Variants in SPHK1 observed in about 807,000 individuals in gnomAD.
SPHK1 encodes the protein sphingosine kinase 1.
A neutral mutation model predicts 14.6 loss-of-function variants in SPHK1; 10 were observed. That is an observed-to-expected ratio of 0.68 (90% CI 0.42 to 1.16). The LOEUF (loss-of-function observed/expected upper bound fraction) is 1.16, where lower values mean the gene tolerates loss of function less well. SPHK1 is among the 50% of genes most tolerant of loss of function. The probability of loss-of-function intolerance (pLI) is 0.00; values close to 1 mark genes in which losing one functional copy is unlikely to be tolerated. For missense variants in SPHK1, 553 were observed against 525.4 expected, an observed-to-expected ratio of 1.05 and a Z score of -0.51; for synonymous variants, 274 against 224.0, an observed-to-expected ratio of 1.22 and a Z score of -1.99.
chr17:76,385,366 G>T lies in SPHK1; in HGVS notation c.-194-85G>T. ...ACTTCCCGGGAACCTGGCTCCCCGCGCGTGGTCCCGGGATTTAGTCGGGCG... is the reference window on the plus strand; with the variant it reads ...ACTTCCCGGGAACCTGGCTCCCCGCTCGTGGTCCCGGGATTTAGTCGGGCG... On this transcript the variant is annotated intron_variant, in intron 1 of 5. Transcript: ENST00000592299. The surrounding 1 kb of genome is among the most constrained non-coding windows in gnomAD (Gnocchi z 5.3). 2 of 1,448,590 alleles carry T rather than the reference G, an allele frequency of 1.4e-6. No individual in the cohort carries two copies. Among genetic ancestry groups the T allele is most frequent in the Non-Finnish European group, 1.8e-6 (2 of 1,104,014 alleles). The allele number at this position is 1,448,590 out of a possible 1,614,324, so 89.7% of individuals were successfully genotyped here.
Position 76,387,813 on chromosome 17 carries a change from A to C in SPHK1, c.*227A>C, listed in dbSNP as rs1598572247. 15 of 489,706 alleles carry C rather than the reference A, an allele frequency of 3.1e-5. No homozygotes were observed. Among genetic ancestry groups the C allele is most frequent in the Admixed American group, 7.4e-5 (2 of 26,994 alleles). The allele number at this position is 489,706 out of a possible 1,614,324, so 30.3% of individuals were successfully genotyped here. On this transcript the variant is annotated 3_prime_UTR_variant, in exon 6 of 6. Coordinates refer to ENST00000592299, the MANE Select transcript of SPHK1 (RefSeq NM_001142601.2). The surrounding 1 kb of genome is among the most constrained non-coding windows in gnomAD (Gnocchi z 4.1). ...GTAAGGCCTTCTAGTTTGTTCTGAG[A>C]CCCCCACCCCACGAACCAAATCCAA...
At position 76,386,694 on chromosome 17, in the gene SPHK1, C is replaced by G; in HGVS notation, c.375-112C>G. On this transcript the variant is annotated intron_variant, in intron 5 of 5. Transcript: ENST00000592299. The surrounding 1 kb of genome is among the most constrained non-coding windows in gnomAD (Gnocchi z 5.3). ...CTCCATCTGTCACCTACCAGTCCTG[C>G]CAACTCCCCAGGGACCACATGGCGC... 2 of 1,333,318 alleles carry G rather than the reference C, an allele frequency of 1.5e-6. No homozygotes were observed. Among genetic ancestry groups the G allele is most frequent in the Non-Finnish European group, 2.0e-6 (2 of 980,348 alleles). The allele number at this position is 1,333,318 out of a possible 1,614,324, so 82.6% of individuals were successfully genotyped here.
chr17:76,387,601 T>C lies in SPHK1; in HGVS notation c.*15T>C. The C allele has an allele frequency of 1.9e-6, 3 of 1,551,702 alleles. No individual in the cohort carries two copies. Among genetic ancestry groups the C allele is most frequent in the Non-Finnish European group, 2.6e-6 (3 of 1,152,568 alleles). ...AGCCCTTATGACCCCTGGGCCGCGC[T>C]GTGCCTTAGTGTCTACTTGCAGGAC... On this transcript the variant is annotated 3_prime_UTR_variant, in exon 6 of 6. Coordinates refer to ENST00000592299, the MANE Select transcript of SPHK1 (RefSeq NM_001142601.2). This position sits in a 1 kb window ranked among gnomAD's most constrained non-coding sequence, Gnocchi z 4.1.
Position 76,384,616 on chromosome 17 carries a change from TCCCCGCTCCGCGGCGCCGG to T in SPHK1, c.-383_-365del, listed in dbSNP as rs1403024636. Reference sequence around the variant, plus strand: ...AGGCCGGCGCCGAGGCTCAGTGCCCTCCCCGCTCCGCGGCGCCGGCTGCGAAGTTGAGCGAAAAGTTTGA... The same window carrying T: ...AGGCCGGCGCCGAGGCTCAGTGCCCTCTGCGAAGTTGAGCGAAAAGTTTGA... On this transcript the variant is annotated 5_prime_UTR_variant, in exon 1 of 6. Transcript: ENST00000592299. 1.3e-5 allele frequency: 2 copies of T among 152,038 alleles called. No individual in the cohort carries two copies. The highest frequency in any genetic ancestry group is 2.4e-5 in the African/African-American group (1 of 41,386). The allele number at this position is 152,038 out of a possible 1,614,324, so 9.4% of individuals were successfully genotyped here.
At chr17:76,383,776 G>A, upstream of SPHK1, 5 of 1,209,558 alleles carry the variant, frequency 4.1e-6, no homozygotes, top group South Asian at 6.3e-5. Flanking sequence ...CTCCAAAGAA[G>A]TGACAACTTC....
upstream of SPHK1, chr17:76,383,551 C>T (rs1426117811): frequency 1.7e-4 from 46 of 265,132 alleles, no homozygotes; most frequent in Middle Eastern, 1.5e-3. Context: ...CGGGTGGGGC[C>T]GGCGGGGGCG....
At chr17:76,384,483 G>C (rs2071923615), upstream of SPHK1, 1 of 149,944 alleles carries the variant, frequency 6.7e-6, no homozygotes, top group Non-Finnish European at 1.5e-5. Flanking sequence ...CTCGTGGCCC[G>C]GCCGTGGGCG....
rs111636968 is a variant in SPHK1, at chr17:76,387,274, A to G, written c.843A>G (p.Ala281=). Residue 281 remains alanine (A), a synonymous_variant, in exon 6 of 6, where the codon GCA becomes GCG. Coordinates refer to ENST00000592299, the MANE Select transcript of SPHK1 (RefSeq NM_001142601.2). The surrounding 1 kb of genome is among the most constrained non-coding windows in gnomAD (Gnocchi z 4.1). ...EMFAAPMGRC[A]AGVMHLFYVR... is the part of the protein sequence containing the mutation. Reference sequence around the variant, plus strand: ...TTGCTGCACCCATGGGCCGCTGTGCAGCTGGCGTCATGCATCTGTTCTACG... The same window carrying G: ...TTGCTGCACCCATGGGCCGCTGTGCGGCTGGCGTCATGCATCTGTTCTACG... 373 of 1,613,456 alleles carry G rather than the reference A, an allele frequency of 2.3e-4. No homozygotes were observed. The African/African-American group carries it at 4.0e-3, about 17-fold the overall frequency.
upstream of SPHK1, chr17:76,383,479 C>G (rs1022946648): frequency 5.3e-6 from 1 of 188,650 alleles, no homozygotes; most frequent in African/African-American, 2.4e-5. Context: ...TAATTGGCTG[C>G]GTGCTCCTCC....
At position 76,385,270 on chromosome 17, in the gene SPHK1, C is replaced by T; in HGVS notation, c.-194-181C>T. 3 of 1,506,794 alleles carry T rather than the reference C, an allele frequency of 2.0e-6. No homozygotes were observed. In the South Asian group the frequency reaches 3.8e-5, roughly 19 times the overall value. 93.3% of individuals were successfully genotyped at this position (1,506,794 alleles called of 1,614,324 possible). ...AGGGAGAAAGCCCCGGAGCAGGCGC[C>T]CTTCTCAGGGATTGTAGGCTTAGTC... On this transcript the variant is annotated intron_variant, in intron 1 of 5. Coordinates refer to ENST00000592299, the MANE Select transcript of SPHK1 (RefSeq NM_001142601.2). The surrounding 1 kb of genome is among the most constrained non-coding windows in gnomAD (Gnocchi z 5.3).
upstream of SPHK1, chr17:76,383,662 G>A (rs1010385457): frequency 9.1e-5 from 34 of 372,506 alleles, 1 homozygote; most frequent in South Asian, 4.8e-4. Flanking sequence ...CTCCGTCTCC[G>A]CCGTAACCCC....
rs2072006524 is a variant in SPHK1, at chr17:76,387,210, T to A, written c.779T>A (p.Val260Asp). The A allele has an allele frequency of 6.2e-7, 1 of 1,613,106 alleles. No homozygotes were observed. The highest frequency in any genetic ancestry group is 1.3e-5 in the African/African-American group (1 of 75,012). ...GTGCCCGACGAGGACTTTGTGCTAG[T>A]CCTGGCACTGCTGCACTCGCACCTG... ...TVVPDEDFVL[V>D]LALLHSHLGS... The change falls in exon 6 of 6, where the codon GTC becomes GAC. Residue 260 changes from valine to aspartate, a missense_variant. Physicochemically the swap from Val to Asp is radical, Grantham distance 152. Coordinates refer to ENST00000592299, the MANE Select transcript of SPHK1 (RefSeq NM_001142601.2). This position sits in a 1 kb window ranked among gnomAD's most constrained non-coding sequence, Gnocchi z 4.1.
Position 76,385,986 on chromosome 17 carries a change from G to C in SPHK1, c.12G>C (p.Ala4=), listed in dbSNP as rs200800534. Residue 4 remains alanine, a splice_region_variant and synonymous_variant, in exon 3 of 6, where the codon GCG becomes GCC. Transcript: ENST00000592299. The surrounding 1 kb of genome is among the most constrained non-coding windows in gnomAD (Gnocchi z 5.3). MDP[A]GGPRGVLPRP... is the part of the protein sequence containing the mutation. The stretch of plus-strand genomic sequence containing the variant: ...GCCTCTTTGGTTTTGTTTTCTCAGC[G>C]GGCGGCCCCCGGGGCGTGCTCCCGC... The C allele has an allele frequency of 7.6e-4, 1,206 of 1,595,164 alleles. 5 individuals are homozygous for C. In the African/African-American group the frequency reaches 0.015, roughly 19 times the overall value.
rs1282118464 is a variant in SPHK1, at chr17:76,385,563, G to A, written c.-82G>A. On this transcript the variant is annotated 5_prime_UTR_variant, in exon 2 of 6. Coordinates refer to ENST00000592299, the MANE Select transcript of SPHK1 (RefSeq NM_001142601.2). The surrounding 1 kb of genome is among the most constrained non-coding windows in gnomAD (Gnocchi z 5.3). ...CCCGCCTGGGCAGCACCGATAAGGA[G>A]CTGAAGGCAGGAGCCGCCGCCACGG... 25 of 1,539,910 alleles carry A rather than the reference G, an allele frequency of 1.6e-5. No homozygotes were observed. The highest frequency in any genetic ancestry group is 2.1e-5 in the Non-Finnish European group (24 of 1,149,428).
In SPHK1 at chr17:76,387,168, C is replaced by T. The variant is rs982111479; in HGVS notation, c.737C>T (p.Pro246Leu). The T allele has an allele frequency of 3.1e-6, 5 of 1,613,156 alleles. No individual in the cohort carries two copies. In the African/African-American group the frequency reaches 4.0e-5, roughly 13 times the overall value. The change falls in exon 6 of 6, where the codon CCC becomes CTC. Residue 246 changes from proline to leucine, a missense_variant. Pro to Leu is a moderately conservative substitution (Grantham distance 98). Transcript: ENST00000592299. This position sits in a 1 kb window ranked among gnomAD's most constrained non-coding sequence, Gnocchi z 4.1. Reference protein sequence around the residue: ...AHLVPLEEPVPSHWTVVPDED... With the variant: ...AHLVPLEEPVLSHWTVVPDED... ...CTTGTGCCACTGGAGGAGCCAGTGC[C>T]CTCTCACTGGACAGTGGTGCCCGAC... is the stretch of plus-strand genomic sequence containing the variant.
At position 76,387,652 on chromosome 17, in the gene SPHK1, G is replaced by A. The variant is rs187200320; in HGVS notation, c.*66G>A. 1.4e-3 allele frequency: 2,115 copies of A among 1,496,714 alleles called. 4 individuals are homozygous for A. The highest frequency in any genetic ancestry group is 1.8e-3 in the Non-Finnish European group (2,024 of 1,123,048). The allele number at this position is 1,496,714 out of a possible 1,614,324, so 92.7% of individuals were successfully genotyped here. ...CCTTCCTCCTTCCCTAGGGCTGCAGGGCCTGTCCACAGCTCCTGTGGGGGT... is the reference window on the plus strand; with the variant it reads ...CCTTCCTCCTTCCCTAGGGCTGCAGAGCCTGTCCACAGCTCCTGTGGGGGT... On this transcript the variant is annotated 3_prime_UTR_variant, in exon 6 of 6. Transcript: ENST00000592299. This position sits in a 1 kb window ranked among gnomAD's most constrained non-coding sequence, Gnocchi z 4.1.
Position 76,385,947 on chromosome 17 carries a change from C to T in SPHK1, c.11-38C>T. ...TTGTTACCCGTGGCCCCCTAGTGGT[C>T]GGTTGCGGACGTGGCCTCTTTGGTT... On this transcript the variant is annotated intron_variant, in intron 2 of 5. Coordinates refer to ENST00000592299, the MANE Select transcript of SPHK1 (RefSeq NM_001142601.2). This position sits in a 1 kb window ranked among gnomAD's most constrained non-coding sequence, Gnocchi z 5.3. 6.4e-7 allele frequency: 1 copy of T among 1,568,514 alleles called. No homozygotes were observed.
chr17:76,383,886 C>T, upstream of SPHK1: 1 of 1,257,230 alleles, frequency 8.0e-7, no homozygotes, highest in Non-Finnish European at 1.0e-6. Context: ...GCCCCCAGGC[C>T]CATCTACACT....
Position 76,387,556 on chromosome 17 carries a change from G to C in SPHK1, c.1125G>C (p.Gln375His). Reference protein sequence around the residue: ...CVEPPPSWKPQQMPPPEEPL With the variant: ...CVEPPPSWKPHQMPPPEEPL ...AGCCCCCGCCCAGCTGGAAGCCCCA[G>C]CAGATGCCACCGCCAGAAGAGCCCT... The change falls in exon 6 of 6, where the codon CAG (glutamine) becomes CAC (histidine). Residue 375 changes from glutamine to histidine, a missense_variant. By Grantham distance (24) the Gln-to-His change is conservative. Transcript: ENST00000592299. This position sits in a 1 kb window ranked among gnomAD's most constrained non-coding sequence, Gnocchi z 4.1. 4 of 1,603,124 alleles carry C rather than the reference G, an allele frequency of 2.5e-6. No individual in the cohort carries two copies. The highest frequency in any genetic ancestry group is 3.4e-6 in the Non-Finnish European group (4 of 1,176,280).
Sources: gnomAD v4.1 joint callset for allele counts on GRCh38, gnomAD v4.1.1 for gene constraint, Gnocchi (gnomAD v3.1) non-coding constraint, MANE v1.5 for transcripts, NCBI Gene and HGNC (gene_info 2026-07-23, HGNC 2026-07-21) for gene names.